CDC42SE2: variants seen among roughly 807,000 people sequenced by gnomAD.
CDC42SE2 encodes CDC42 small effector 2.
In CDC42SE2, 3 loss-of-function variants were observed where a neutral mutation model predicts 11.5. The ratio of observed to expected loss-of-function variants is 0.26; its 90% CI spans 0.12 to 0.67. CDC42SE2 has a LOEUF of 0.67. Among genes scored for constraint, CDC42SE2 ranks in the 30% least tolerant of loss-of-function variants. The probability of loss-of-function intolerance (pLI) is 0.80; values close to 1 mark genes in which losing one functional copy is unlikely to be tolerated. For missense variants in CDC42SE2, 82 were observed against 106.8 expected, an observed-to-expected ratio of 0.77 and a Z score of 1.02; for synonymous variants, 33 against 34.8, an observed-to-expected ratio of 0.95 and a Z score of 0.18.
chr5:131,375,996 T>C (rs936279447), intron 3 of CDC42SE2, among the ~76,000 whole-genome samples: 3 of 152,002 alleles, frequency 2.0e-5, no homozygotes, highest in African/African-American at 4.8e-5. Flanking sequence ...CTCAGCACTT[T>C]AGGAGGCCAA....
chr5:131,233,725 AT>A, the CDC42SE2 span, among the ~76,000 whole-genome samples: 1 of 152,274 alleles, frequency 6.6e-6, no homozygotes, highest in East Asian at 1.9e-4. Flanking sequence ...CTATATGTAT[AT>A]TTGTAGTATA....
intron 1 of CDC42SE2, among the ~76,000 whole-genome samples, chr5:131,278,733 C>CCT (rs1561569847): frequency 4.4e-4 from 4 of 9,042 alleles, no homozygotes; most frequent in Non-Finnish European, 8.3e-4. Flanking sequence ...TCCCCCCTCC[C>CCT]CTCCCCTCCC....
At chr5:131,317,623 ATT>A (rs879535056) in intron 2 of CDC42SE2, among the ~76,000 whole-genome samples, 1 of 140,494 alleles carries the variant, frequency 7.1e-6, no homozygotes. Flanking sequence ...GAAACAAATC[ATT>A]TTTTTTTTTT....
chr5:131,228,682 G>A, the CDC42SE2 span, among the ~76,000 whole-genome samples: 2 of 152,176 alleles, frequency 1.3e-5, no homozygotes, highest in Non-Finnish European at 2.9e-5. Flanking sequence ...CAAATCACAT[G>A]TTGAGGCCCT....
the CDC42SE2 span, among the ~76,000 whole-genome samples, chr5:131,237,326 G>A: frequency 1.3e-5 from 2 of 152,160 alleles, no homozygotes; most frequent in African/African-American, 4.8e-5. Context: ...CTATGCTGAT[G>A]TTTGTTTTCC....
chr5:131,315,740 C>A (rs1006779828), intron 1 of CDC42SE2, among the ~76,000 whole-genome samples: 1 of 152,012 alleles, frequency 6.6e-6, no homozygotes, highest in Non-Finnish European at 1.5e-5. Context: ...TGGATTCTGC[C>A]CGGTGGGTAG....
chr5:131,237,239 A>G, the CDC42SE2 span, among the ~76,000 whole-genome samples: 1 of 152,222 alleles, frequency 6.6e-6, no homozygotes. Flanking sequence ...TAAGAGGCAG[A>G]CTGCCTCAAT....
At chr5:131,307,519 G>A (rs971258524) in intron 1 of CDC42SE2, among the ~76,000 whole-genome samples, 4 of 152,046 alleles carry the variant, frequency 2.6e-5, no homozygotes, top group East Asian at 1.9e-4. Flanking sequence ...TAATGCCGCA[G>A]TAAACATACG....
At chr5:131,245,043 A>C (rs1756569190), upstream of CDC42SE2, among the ~76,000 whole-genome samples, 1 of 152,190 alleles carries the variant, frequency 6.6e-6, no homozygotes. Flanking sequence ...ATGGGAGCAA[A>C]TCCACAAACC....
chr5:131,312,199 T>TG (rs1757934775), intron 1 of CDC42SE2, among the ~76,000 whole-genome samples: 1 of 151,848 alleles, frequency 6.6e-6, no homozygotes. Context: ...TGGAGTACCT[T>TG]GCTGTGTGAG....
intron 1 of CDC42SE2, among the ~76,000 whole-genome samples, chr5:131,271,965 A>T (rs957172650): frequency 1.3e-5 from 2 of 151,882 alleles, no homozygotes; most frequent in African/African-American, 4.8e-5. Flanking sequence ...ATGACCACTG[A>T]CCTAAGGAGG....
At chr5:131,312,787 C>T (rs1311328138) in intron 1 of CDC42SE2, among the ~76,000 whole-genome samples, 1 of 152,112 alleles carries the variant, frequency 6.6e-6, no homozygotes, top group Non-Finnish European at 1.5e-5. Flanking sequence ...CAATGCCTCG[C>T]CCTACTTTGG....
At chr5:131,332,013 A>G (rs1359583216) in intron 2 of CDC42SE2, among the ~76,000 whole-genome samples, 1 of 152,184 alleles carries the variant, frequency 6.6e-6, no homozygotes, top group African/African-American at 2.4e-5. Context: ...CATGTGCACA[A>G]CGTGCAAGTT....
At chr5:131,242,937 G>A (rs1010356085), upstream of CDC42SE2, among the ~76,000 whole-genome samples, 23 of 152,132 alleles carry the variant, frequency 1.5e-4, no homozygotes, top group Non-Finnish European at 3.1e-4. Flanking sequence ...CTGATTTTTG[G>A]TTAGGAAATT....
chr5:131,244,976 T>C (rs1756568789), upstream of CDC42SE2, among the ~76,000 whole-genome samples: 1 of 152,108 alleles, frequency 6.6e-6, no homozygotes. Flanking sequence ...AAAGAAAATG[T>C]AATGGCAAAG....
chr5:131,363,843 G>A (rs923054947), intron 3 of CDC42SE2, among the ~76,000 whole-genome samples: 3 of 151,588 alleles, frequency 2.0e-5, no homozygotes, highest in Non-Finnish European at 4.4e-5. Context: ...CTACAGGCAT[G>A]TGCCACCACA....
chr5:131,246,720 C>G (rs992628149), intron 1 of CDC42SE2, among the ~76,000 whole-genome samples: 1 of 147,230 alleles, frequency 6.8e-6, no homozygotes, highest in African/African-American at 2.5e-5. Context: ...TATGTTGGAT[C>G]TCTTTTCTTA....
chr5:131,243,017 G>C (rs781204258), upstream of CDC42SE2, among the ~76,000 whole-genome samples: 1 of 152,142 alleles, frequency 6.6e-6, no homozygotes, highest in Admixed American at 6.5e-5. Context: ...GAACTTCCTG[G>C]AGCAATAAGC....
chr5:131,314,458 C>T (rs1431231303), intron 1 of CDC42SE2, among the ~76,000 whole-genome samples: 1 of 152,060 alleles, frequency 6.6e-6, no homozygotes, highest in South Asian at 2.1e-4. Context: ...CCAGGCTGGT[C>T]TTAAAATCCT....
Sources: gnomAD v4.1 joint callset for allele counts (sites outside exome capture counted in the v4.1 genomes callset) on GRCh38, gnomAD v4.1.1 for gene constraint, MANE v1.5 for transcripts, NCBI Gene and HGNC (gene_info 2026-07-23, HGNC 2026-07-21) for gene names.